The following SPRED2 variants were observed in gnomAD, a reference collection of about 807,000 sequenced individuals.
The protein encoded by SPRED2 is sprouty related EVH1 domain containing 2, also known as sprouty-related, EVH1 domain-containing protein 2.
SPRED2 carries 47 observed loss-of-function variants against 43.0 expected under a neutral mutation model. The observed-to-expected ratio is 1.09, with a 90% CI of 0.87 to 1.40. The LOEUF (loss-of-function observed/expected upper bound fraction) is 1.40, where lower values mean the gene tolerates loss of function less well. Among genes scored for constraint, SPRED2 ranks in the 40% most tolerant of loss-of-function variants. The pLI, the probability that SPRED2 is intolerant of heterozygous loss-of-function variation, is 0.00. For synonymous variants in SPRED2, 225 were observed against 225.7 expected, an observed-to-expected ratio of 1.00 and a Z score of 0.03; for missense variants, 561 against 586.4, an observed-to-expected ratio of 0.96 and a Z score of 0.45.
chr2:65,380,469 C>T (rs1205303656), intron 1 of SPRED2, among the ~76,000 whole-genome samples: 1 of 152,100 alleles, frequency 6.6e-6, no homozygotes, highest in African/African-American at 2.4e-5. Flanking sequence ...CGAGGCTAGT[C>T]AATCATGAAT....
chr2:65,408,164 T>C (rs1676068744), intron 1 of SPRED2, among the ~76,000 whole-genome samples: 1 of 152,184 alleles, frequency 6.6e-6, no homozygotes, highest in Non-Finnish European at 1.5e-5. Flanking sequence ...TTGGGTCCTT[T>C]CAACAAAGCT....
Position 65,312,301 on chromosome 2 carries a change from T to C in SPRED2, c.*1200A>G. On this transcript the variant is annotated 3_prime_UTR_variant, in exon 6 of 6. Transcript: ENST00000356388. The stretch of plus-strand genomic sequence containing the variant: ...GGGTTTTTACATATGGCCTTGTTTT[T>C]TCCCCAAGTATAAATGAGGAATTTG... The C allele has an allele frequency of 1.0e-6, 1 of 985,504 alleles. No homozygotes were observed. Among genetic ancestry groups the C allele is most frequent in the Non-Finnish European group, 1.2e-6 (1 of 829,936 alleles). The allele number at this position is 985,504 out of a possible 1,614,324, so 61.0% of individuals were successfully genotyped here.
chr2:65,328,963 T>C (rs1673727199), intron 4 of SPRED2, among the ~76,000 whole-genome samples: 1 of 152,200 alleles, frequency 6.6e-6, no homozygotes, highest in Non-Finnish European at 1.5e-5. Context: ...TTCAACAAAT[T>C]CATTTTTCCA....
Position 65,384,883 on chromosome 2 carries a change from C to G in SPRED2, c.27-39987G>C, listed in dbSNP as rs150224743. On this transcript the variant is annotated intron_variant, in intron 1 of 5. Transcript: ENST00000356388. ...ATTGCCTGTTCATTTCTGTGCCCTC[C>G]TCTCCACCTGTTCAGAACAAAACTT... Among the ~76,000 whole-genome samples the G allele has an allele frequency of 1.4e-4, 21 of 152,292 alleles. 2 individuals are homozygous for G. Among genetic ancestry groups the G allele is most frequent in the African/African-American group, 4.8e-4 (20 of 41,562 alleles).
At chr2:65,424,144 T>G (rs1314326076) in intron 1 of SPRED2, among the ~76,000 whole-genome samples, 1 of 152,058 alleles carries the variant, frequency 6.6e-6, no homozygotes, top group Non-Finnish European at 1.5e-5. Context: ...CTCATTTACA[T>G]TAATCCAGGG....
chr2:65,336,995 C>T (rs1673984991), intron 2 of SPRED2, among the ~76,000 whole-genome samples: 1 of 152,102 alleles, frequency 6.6e-6, no homozygotes, highest in South Asian at 2.1e-4. Flanking sequence ...GTAGTCCCAG[C>T]TACTAGGGAG....
chr2:65,375,299 G>A (rs1235069145), intron 1 of SPRED2, among the ~76,000 whole-genome samples: 5 of 152,342 alleles, frequency 3.3e-5, no homozygotes, highest in Admixed American at 6.5e-5. Context: ...GGAGGAAGAG[G>A]CGAAGGCTTG....
intron 1 of SPRED2, 147 bp from the exon 2 acceptor site, chr2:65,345,043 C>T (rs111555334): frequency 2.4e-5 from 16 of 669,156 alleles, no homozygotes; most frequent in African/African-American, 2.2e-4. Context: ...AAAAAGTGGT[C>T]CATCTCAACT....
At chr2:65,394,585 C>T (rs1211716418) in intron 1 of SPRED2, among the ~76,000 whole-genome samples, 4 of 152,200 alleles carry the variant, frequency 2.6e-5, no homozygotes, top group South Asian at 2.1e-4. Context: ...AGAACAAACA[C>T]GTGCCCTGCC....
intron 1 of SPRED2, among the ~76,000 whole-genome samples, chr2:65,375,218 A>C (rs1224101070): frequency 1.3e-5 from 2 of 152,252 alleles, no homozygotes; most frequent in Non-Finnish European, 2.9e-5. Flanking sequence ...ATGTGTCAAC[A>C]TGGCTCTTAA....
intron 1 of SPRED2, among the ~76,000 whole-genome samples, chr2:65,422,098 ACACACACTCT>A (rs1318170111): frequency 4.8e-4 from 54 of 113,228 alleles, no homozygotes; most frequent in African/African-American, 1.5e-3. Flanking sequence ...ACACACACAC[ACACACACTCT>A]CTCTCTCTCT....
chr2:65,322,852 C>T (rs188432427), intron 4 of SPRED2, among the ~76,000 whole-genome samples: 1 of 152,166 alleles, frequency 6.6e-6, no homozygotes, highest in African/African-American at 2.4e-5. Context: ...ATTTTTCTGT[C>T]TACTGAGATG....
At position 65,401,937 on chromosome 2, in the gene SPRED2, G is replaced by GCGCACACA. The variant is rs776512353; in HGVS notation, c.26+30024_26+30025insTGTGTGCG. Among the ~76,000 whole-genome samples, 1,118 of 114,708 alleles carry GCGCACACA rather than the reference G, an allele frequency of 9.7e-3. 10 individuals carry two copies. The highest frequency in any genetic ancestry group is 0.015 in the Non-Finnish European group (815 of 53,614). 75.3% of individuals were successfully genotyped at this position (114,708 alleles called of 152,430 possible). The stretch of plus-strand genomic sequence containing the variant: ...ACGATCAGAATATTAGCGCGCGCGC[G>GCGCACACA]CACACACACACACACACACACACAC... On this transcript the variant is annotated intron_variant, in intron 1 of 5. Coordinates refer to ENST00000356388, the MANE Select transcript of SPRED2 (RefSeq NM_181784.3).
chr2:65,357,248 A>G (rs1674679561), intron 1 of SPRED2, among the ~76,000 whole-genome samples: 1 of 152,180 alleles, frequency 6.6e-6, no homozygotes, highest in Non-Finnish European at 1.5e-5. Context: ...ACACACAGAT[A>G]AACAAACAAC....
At chr2:65,396,970 C>T (rs1675773527) in intron 1 of SPRED2, among the ~76,000 whole-genome samples, 1 of 152,124 alleles carries the variant, frequency 6.6e-6, no homozygotes, top group African/African-American at 2.4e-5. Context: ...AGTACAGCTG[C>T]ATTCTTAATC....
chr2:65,407,615 C>A (rs770892768), intron 1 of SPRED2, among the ~76,000 whole-genome samples: 1 of 152,152 alleles, frequency 6.6e-6, no homozygotes, highest in Non-Finnish European at 1.5e-5. Context: ...TGTTCACATG[C>A]CTTGGAAATC....
chr2:65,371,851 A>C (rs1051494938), intron 1 of SPRED2, among the ~76,000 whole-genome samples: 2 of 152,088 alleles, frequency 1.3e-5, no homozygotes, highest in Non-Finnish European at 1.5e-5. Flanking sequence ...CGGGGCAGGC[A>C]GATCATTTGA....
chr2:65,366,104 T>C (rs1043007315), intron 1 of SPRED2, among the ~76,000 whole-genome samples: 8 of 152,134 alleles, frequency 5.3e-5, no homozygotes, highest in African/African-American at 1.9e-4. Flanking sequence ...TTGCATTAAG[T>C]CACGCATCAT....
intron 1 of SPRED2, among the ~76,000 whole-genome samples, chr2:65,372,837 A>C (rs1252307625): frequency 6.6e-6 from 1 of 152,224 alleles, no homozygotes; most frequent in African/African-American, 2.4e-5. Flanking sequence ...CACTCAGGCC[A>C]ACTCAACCCA....
Sources: allele counts gnomAD v4.1 joint callset (sites outside exome capture counted in the v4.1 genomes callset), GRCh38; gene constraint gnomAD v4.1.1; transcripts MANE v1.5; gene names NCBI Gene and HGNC (gene_info 2026-07-23, HGNC 2026-07-21).